Variants in PCDHAC1 observed in about 807,000 individuals in gnomAD.
The protein encoded by PCDHAC1 is protocadherin alpha-C1.
In PCDHAC1, 42 loss-of-function variants were observed where a neutral mutation model predicts 60.0. The ratio of observed to expected loss-of-function variants is 0.70; its 90% CI spans 0.55 to 0.90. PCDHAC1 has a LOEUF of 0.90. Among genes scored for constraint, PCDHAC1 ranks in the 40% least tolerant of loss-of-function variants. The pLI is 0.00. For missense variants in PCDHAC1, 1,160 were observed against 1,222.3 expected (o/e 0.95, Z 0.76); for synonymous variants, 468 against 499.3 (o/e 0.94, Z 0.84).
chr5:141,010,296 G>C lies in PCDHAC1; in HGVS notation c.*359G>C. On this transcript the variant is annotated 3_prime_UTR_variant, in exon 4 of 4. Transcript: ENST00000253807. ...CTGTCTTGATGACACTTGCAGGGCA[G>C]GCTGAAAAGTTTTGAGATTGAGCAG... The C allele has an allele frequency of 1.3e-6, 2 of 1,549,428 alleles. No individual in the cohort carries two copies. The highest frequency in any genetic ancestry group is 1.7e-6 in the Non-Finnish European group (2 of 1,146,352).
In PCDHAC1 at chr5:141,005,701, CAAAAAAAA is replaced by C. The variant is rs59860837; in HGVS notation, c.2582-3903_2582-3896del. Among the ~76,000 whole-genome samples, 45 of 7,788 alleles carry C rather than the reference CAAAAAAAA, an allele frequency of 5.8e-3. No individual in the cohort carries two copies. In the East Asian group the frequency reaches 0.064, roughly 11 times the overall value. 5.1% of individuals were successfully genotyped at this position (7,788 alleles called of 152,430 possible). A position where few individuals can be genotyped will look rare whatever the true frequency, so the allele number is the denominator to read the frequency against. On this transcript the variant is annotated intron_variant, in intron 3 of 3. Coordinates refer to ENST00000253807, the MANE Select transcript of PCDHAC1 (RefSeq NM_018898.5). ...TGGGCGACAGAGCGAAACTCCGTCT[CAAAAAAAA>C]AAAAAAAAAAAAAAAAAAAAAAGAA...
At chr5:140,984,859 A>G (rs1368341114) in intron 3 of PCDHAC1, among the ~76,000 whole-genome samples, 1 of 152,046 alleles carries the variant, frequency 6.6e-6, no homozygotes, top group Non-Finnish European at 1.5e-5. Flanking sequence ...TAATAATAAC[A>G]CCTATTTTAT....
At chr5:140,938,835 CA>C (rs2092222540) in intron 1 of PCDHAC1, among the ~76,000 whole-genome samples, 1 of 152,008 alleles carries the variant, frequency 6.6e-6, no homozygotes, top group African/African-American at 2.4e-5. Flanking sequence ...TGCGTTATAA[CA>C]AACCTGCCCA....
intron 2 of PCDHAC1, 86 bp from the exon 3 acceptor site, chr5:140,982,389 T>C: frequency 1.3e-6 from 2 of 1,593,476 alleles, no homozygotes; most frequent in South Asian, 1.1e-5. Context: ...CCTGGCTTCA[T>C]AGTTGTAAGC....
At chr5:140,966,659 G>C in intron 1 of PCDHAC1, 5 of 1,217,658 alleles carry the variant, frequency 4.1e-6, no homozygotes, top group Non-Finnish European at 5.3e-6. Context: ...AGCGGTGGGG[G>C]AGCAGGCGCA....
At chr5:140,977,306 C>G (rs995052680) in intron 1 of PCDHAC1, among the ~76,000 whole-genome samples, 22 of 152,268 alleles carry the variant, frequency 1.4e-4, no homozygotes, top group African/African-American at 4.8e-4. Context: ...GACAAGCTAA[C>G]GATAGTGCTC....
chr5:140,981,861 A>G (rs1554243465), intron 2 of PCDHAC1, among the ~76,000 whole-genome samples: 1 of 152,126 alleles, frequency 6.6e-6, no homozygotes, highest in Non-Finnish European at 1.5e-5. Context: ...ACTCCCAGCA[A>G]TGTTTTATGC....
At chr5:140,945,024 A>G (rs1554216669) in intron 1 of PCDHAC1, among the ~76,000 whole-genome samples, 1 of 152,122 alleles carries the variant, frequency 6.6e-6, no homozygotes, top group Non-Finnish European at 1.5e-5. Flanking sequence ...TTTTACTCAG[A>G]CATAATTATC....
intron 1 of PCDHAC1, among the ~76,000 whole-genome samples, chr5:140,948,536 C>T (rs2094269261): frequency 6.6e-6 from 1 of 151,548 alleles, no homozygotes; most frequent in Admixed American, 6.6e-5. Context: ...TATTTTATTT[C>T]ATGCTCTGTC....
At chr5:140,941,331 T>G (rs1277354289) in intron 1 of PCDHAC1, among the ~76,000 whole-genome samples, 1 of 148,120 alleles carries the variant, frequency 6.8e-6, no homozygotes. Context: ...TTTTTTTTTT[T>G]TTTCAGATGG....
chr5:141,005,731 A>AAAAAAG (rs2098235322), intron 3 of PCDHAC1, among the ~76,000 whole-genome samples: 2 of 149,106 alleles, frequency 1.3e-5, no homozygotes, highest in East Asian at 1.9e-4. Flanking sequence ...AAAAAAAAAA[A>AAAAAAG]GAATGGATGA....
At chr5:140,996,495 G>A (rs2097728470) in intron 3 of PCDHAC1, among the ~76,000 whole-genome samples, 2 of 152,156 alleles carry the variant, frequency 1.3e-5, no homozygotes, top group South Asian at 4.1e-4. Context: ...GGCAAGTCTG[G>A]CTTCTTGGGG....
chr5:140,934,429 T>C (rs1480259267), intron 1 of PCDHAC1, among the ~76,000 whole-genome samples: 1 of 152,194 alleles, frequency 6.6e-6, no homozygotes, highest in African/African-American at 2.4e-5. Context: ...TCAATGCAAG[T>C]GTAAATATAG....
chr5:140,960,612 G>C (rs1467595478), intron 1 of PCDHAC1, among the ~76,000 whole-genome samples: 1 of 152,110 alleles, frequency 6.6e-6, no homozygotes, highest in Non-Finnish European at 1.5e-5. Context: ...ACAATATCTA[G>C]TGTGTTTTTG....
chr5:141,009,649 C>G lies in PCDHAC1; in HGVS notation c.2604C>G (p.Ser868=). The change falls in exon 4 of 4, where the codon TCC becomes TCG. Residue 868 remains serine, a synonymous_variant. Coordinates refer to ENST00000253807, the MANE Select transcript of PCDHAC1 (RefSeq NM_018898.5). ...ATPEPEAGEV[S]PPVGAGVNSN... ...CAGAACCAGAGGCAGGAGAAGTGTC[C>G]CCTCCAGTCGGTGCGGGTGTCAACA... 1 of 1,613,646 alleles carries G rather than the reference C, an allele frequency of 6.2e-7. No homozygotes were observed. The highest frequency in any genetic ancestry group is 8.5e-7 in the Non-Finnish European group (1 of 1,179,816).
chr5:140,982,545 G>C lies in PCDHAC1; in HGVS notation c.2563G>C (p.Val855Leu), dbSNP rs782544627. The change falls in exon 3 of 4, where the codon GTA becomes CTA. Residue 855 changes from valine (V) to leucine (L), a missense_variant. Val to Leu is a conservative substitution (Grantham distance 32). Transcript: ENST00000253807. The stretch of plus-strand genomic sequence containing the variant: ...AGGGCCTGATCAGCAGTGGCCAACA[G>C]TATCCAGTGCAACACCAGGTAAAGA... ...PGGPDQQWPT[V>L]SSATPEPEAG... The C allele has an allele frequency of 6.2e-6, 10 of 1,614,088 alleles. No individual in the cohort carries two copies. The East Asian group carries it at 2.2e-4, about 36-fold the overall frequency.
At chr5:140,978,791 A>G (rs1443899144) in intron 1 of PCDHAC1, 158 bp from the exon 2 acceptor site, 1 of 976,042 alleles carries the variant, frequency 1.0e-6, no homozygotes, top group Non-Finnish European at 1.2e-6. Context: ...AAAGTGCTAT[A>G]TATGTAGATA....
intron 1 of PCDHAC1, among the ~76,000 whole-genome samples, chr5:140,965,887 T>C (rs1357808186): frequency 6.6e-6 from 1 of 152,214 alleles, no homozygotes; most frequent in Non-Finnish European, 1.5e-5. Context: ...GAGAGCAGAA[T>C]TGAGTCTTGG....
chr5:140,985,878 T>A (rs891027308), intron 3 of PCDHAC1, among the ~76,000 whole-genome samples: 1 of 151,822 alleles, frequency 6.6e-6, no homozygotes, highest in South Asian at 2.1e-4. Flanking sequence ...TAGCTGGGAC[T>A]ACAGGCGCCC....
Sources: gnomAD v4.1 joint callset for allele counts (sites outside exome capture counted in the v4.1 genomes callset) on GRCh38, gnomAD v4.1.1 for gene constraint, MANE v1.5 for transcripts, NCBI Gene and HGNC (gene_info 2026-07-23, HGNC 2026-07-21) for gene names.